SNAI2: variants seen among roughly 807,000 people sequenced by gnomAD.
The protein encoded by SNAI2 is snail family transcriptional repressor 2, also known as zinc finger protein SNAI2.
A neutral mutation model predicts 22.4 loss-of-function variants in SNAI2; 2 were observed. The ratio of observed to expected loss-of-function variants is 0.09; its 90% CI spans 0.04 to 0.28. SNAI2 has a LOEUF of 0.28. Among genes scored for constraint, SNAI2 ranks in the 10% least tolerant of loss-of-function variants. SNAI2 has a pLI of 1.00. For missense variants in SNAI2, 239 were observed against 320.8 expected, an observed-to-expected ratio of 0.75 and a Z score of 1.95; for synonymous variants, 134 against 123.0, an observed-to-expected ratio of 1.09 and a Z score of -0.59.
At chr8:48,921,137 A>G (rs764634683) in intron 1 of SNAI2, 50 bp downstream of exon 1, 12 of 1,287,454 alleles carry the variant, frequency 9.3e-6, no homozygotes, top group Admixed American at 5.0e-5. Flanking sequence ...GTAGATTCAT[A>G]TTTGCAAAGC....
Position 48,918,473 on chromosome 8 carries a change from A to C in SNAI2, c.*334T>G, listed in dbSNP as rs577991090. The stretch of plus-strand genomic sequence containing the variant: ...GTTGAAATGATTTGGCAGCAATGTA[A>C]ATCTTTGCATTTTTTTAGGAAGAAA... On this transcript the variant is annotated 3_prime_UTR_variant, in exon 3 of 3. Transcript: ENST00000020945. The C allele has an allele frequency of 2.1e-5, 7 of 327,078 alleles. No individual in the cohort carries two copies. Among genetic ancestry groups the C allele is most frequent in the African/African-American group, 1.5e-4 (7 of 47,004 alleles). 20.3% of individuals were successfully genotyped at this position (327,078 alleles called of 1,614,324 possible).
rs1399921076 is a variant in SNAI2 at position 48,920,189 on chromosome 8, T to C, written c.332A>G (p.Glu111Gly). ...GSESPISDEE[E>G]RLQSKLSDPH... The stretch of plus-strand genomic sequence containing the variant: ...GTCTGAAAGCTTGGACTGTAGTCTT[T>C]CCTCTTCATCACTAATGGGGCTTTC... The change falls in exon 2 of 3, where the codon GAA becomes GGA. Residue 111 changes from glutamate to glycine, a missense_variant. Glu to Gly is a moderately conservative substitution (Grantham distance 98). Around this residue, in one of 3 missense-constraint regions of SNAI2, gnomAD observed 183 missense variants for 190.4 expected, o/e 0.96. Transcript: ENST00000020945. 1 of 1,614,220 alleles carries C rather than the reference T, an allele frequency of 6.2e-7. No individual in the cohort carries two copies. The highest frequency in any genetic ancestry group is 1.7e-5 in the Admixed American group (1 of 60,024).
Position 48,918,786 on chromosome 8 carries a change from A to G in SNAI2, c.*21T>C, listed in dbSNP as rs749626149. 1.9e-6 allele frequency: 3 copies of G among 1,613,402 alleles called. No individual in the cohort carries two copies. Among genetic ancestry groups the G allele is most frequent in the Non-Finnish European group, 2.5e-6 (3 of 1,179,436 alleles). ...GGAGTGAAGAAATGCATTCTGTTCG[A>G]GTAAACATTGATTGCGTCACTCAGT... On this transcript the variant is annotated 3_prime_UTR_variant, in exon 3 of 3. Coordinates refer to ENST00000020945, the MANE Select transcript of SNAI2 (RefSeq NM_003068.5).
At position 48,920,420 on chromosome 8, in the gene SNAI2, T is replaced by C. The variant is rs768624071; in HGVS notation, c.101A>G (p.Tyr34Cys). ...TATGACAGGCATGGAGTAACTCTCA[T>C]AGAGATACGGGGAAATAATCACTGG... ...THTVIISPYL[Y>C]ESYSMPVIPQ... Residue 34 changes from tyrosine (Y) to cysteine (C), a missense_variant, in exon 2 of 3, where the codon TAT becomes TGT. By Grantham distance (194) the Tyr-to-Cys change is radical. This residue lies in a region of SNAI2 where 183 missense variants were observed against 190.4 expected (regional missense o/e 0.96). Coordinates refer to ENST00000020945, the MANE Select transcript of SNAI2 (RefSeq NM_003068.5). The C allele has an allele frequency of 1.2e-5, 20 of 1,613,802 alleles. No homozygotes were observed. Among genetic ancestry groups the C allele is most frequent in the Non-Finnish European group, 1.7e-5 (20 of 1,179,856 alleles).
intron 2 of SNAI2, among the ~76,000 whole-genome samples, 172 bp from the exon 3 acceptor site, chr8:48,919,160 A>T (rs1243332100): frequency 6.6e-6 from 1 of 152,248 alleles, no homozygotes; most frequent in African/African-American, 2.4e-5. Flanking sequence ...AATTTTTAAG[A>T]TAAACTTGAA....
intron 2 of SNAI2, 66 bp from the exon 3 acceptor site, chr8:48,919,054 T>G (rs1030149135): frequency 4.0e-6 from 6 of 1,502,836 alleles, no homozygotes; most frequent in Non-Finnish European, 5.5e-6. Context: ...TAAAGTAAAA[T>G]CATGTTAACA....
In SNAI2 at chr8:48,921,357, G is replaced by T; in HGVS notation, c.-92C>A. On this transcript the variant is annotated 5_prime_UTR_variant, in exon 1 of 3. Transcript: ENST00000020945. Reference sequence around the variant, plus strand: ...ACAGCATCGCGGCGGGCCAGGCTCGGGCAGGGGCCGTGCTCAGGTGCGGCA... The same window carrying T: ...ACAGCATCGCGGCGGGCCAGGCTCGTGCAGGGGCCGTGCTCAGGTGCGGCA... The T allele has an allele frequency of 1.0e-6, 1 of 989,428 alleles. No homozygotes were observed. The highest frequency in any genetic ancestry group is 1.6e-6 in the Non-Finnish European group (1 of 624,520). 61.3% of individuals were successfully genotyped at this position (989,428 alleles called of 1,614,324 possible).
At position 48,921,361 on chromosome 8, in the gene SNAI2, G is replaced by A; in HGVS notation, c.-96C>T. 1.0e-6 allele frequency: 1 copy of A among 965,956 alleles called. No individual in the cohort carries two copies. The highest frequency in any genetic ancestry group is 1.7e-6 in the Non-Finnish European group (1 of 603,648). 59.8% of individuals were successfully genotyped at this position (965,956 alleles called of 1,614,324 possible). A position where few individuals can be genotyped will look rare whatever the true frequency, so the allele number is the denominator to read the frequency against. On this transcript the variant is annotated 5_prime_UTR_variant, in exon 1 of 3. Coordinates refer to ENST00000020945, the MANE Select transcript of SNAI2 (RefSeq NM_003068.5). ...CATCGCGGCGGGCCAGGCTCGGGCA[G>A]GGGCCGTGCTCAGGTGCGGCAGACG...
chr8:48,921,189 G>C lies in SNAI2; in HGVS notation c.77C>G (p.Thr26Arg). The C allele has an allele frequency of 6.2e-7, 1 of 1,609,366 alleles. No individual in the cohort carries two copies. Residue 26 changes from threonine to arginine, a missense_variant and splice_region_variant, in exon 1 of 3, where the codon ACA becomes AGA. Around this residue, in one of 3 missense-constraint regions of SNAI2, gnomAD observed 183 missense variants for 190.4 expected, o/e 0.96. Transcript: ENST00000020945. ...KPNYSELDTH[T>R]VIISPYLYES... ...TAGATATATTTTTCTCTTTTTACCT[G>C]TATGTGTGTCCAGTTCGCTGTAGTT...
chr8:48,920,853 T>TA (rs999051385), intron 1 of SNAI2, among the ~76,000 whole-genome samples: 2 of 152,214 alleles, frequency 1.3e-5, no homozygotes, highest in African/African-American at 4.8e-5. Flanking sequence ...AGCCGCCTTC[T>TA]AAAGGAAAGG....
chr8:48,921,329 C>G lies in SNAI2; in HGVS notation c.-64G>C. 2 of 1,274,900 alleles carry G rather than the reference C, an allele frequency of 1.6e-6. No individual in the cohort carries two copies. Among genetic ancestry groups the G allele is most frequent in the Non-Finnish European group, 2.3e-6 (2 of 880,850 alleles). The allele number at this position is 1,274,900 out of a possible 1,614,324, so 79.0% of individuals were successfully genotyped here. A position where few individuals can be genotyped will look rare whatever the true frequency, so the allele number is the denominator to read the frequency against. ...GGTCCGGCGGGAGGACACGGCGGTC[C>G]CTACAGCATCGCGGCGGGCCAGGCT... On this transcript the variant is annotated 5_prime_UTR_variant, in exon 1 of 3. Coordinates refer to ENST00000020945, the MANE Select transcript of SNAI2 (RefSeq NM_003068.5).
In SNAI2 at chr8:48,920,534, C is replaced by T. The variant is rs1563480136; in HGVS notation, c.80-93G>A. The T allele has an allele frequency of 2.6e-6, 3 of 1,135,580 alleles. No homozygotes were observed. The Admixed American group carries it at 5.2e-5, about 20-fold the overall frequency. The allele number at this position is 1,135,580 out of a possible 1,614,324, so 70.3% of individuals were successfully genotyped here. A position where few individuals can be genotyped will look rare whatever the true frequency, so the allele number is the denominator to read the frequency against. On this transcript the variant is annotated intron_variant, in intron 1 of 2. Coordinates refer to ENST00000020945, the MANE Select transcript of SNAI2 (RefSeq NM_003068.5). The stretch of plus-strand genomic sequence containing the variant: ...ATACACACACTGGAAAGATATTTAG[C>T]AACACACACGTGATTTTCTTAGGAA...
chr8:48,921,237 T>C lies in SNAI2; in HGVS notation c.29A>G (p.His10Arg). Residue 10 changes from histidine to arginine, a missense_variant, in exon 1 of 3, where the codon CAT (histidine) becomes CGT (arginine). Around this residue, in one of 3 missense-constraint regions of SNAI2, gnomAD observed 183 missense variants for 190.4 expected, o/e 0.96. Coordinates refer to ENST00000020945, the MANE Select transcript of SNAI2 (RefSeq NM_003068.5). ...GTTTGGCTTTTTGGAGGCGTTGAAA[T>C]GCTTCTTGACCAGGAAGGAGCGCGG... MPRSFLVKK[H>R]FNASKKPNYS... 1.2e-6 allele frequency: 2 copies of C among 1,613,708 alleles called. No homozygotes were observed. Among genetic ancestry groups the C allele is most frequent in the Non-Finnish European group, 1.7e-6 (2 of 1,179,986 alleles).
chr8:48,918,658 GGTGTGT>G lies in SNAI2; in HGVS notation c.*143_*148del. On this transcript the variant is annotated 3_prime_UTR_variant, in exon 3 of 3. Coordinates refer to ENST00000020945, the MANE Select transcript of SNAI2 (RefSeq NM_003068.5). ...ATGCTCTTGCAGCTCTCTCTCTGTG[GGTGTGT>G]GTGTGTGTGTGTGCATATGTGTGTG... 6.2e-6 allele frequency: 4 copies of G among 644,506 alleles called. No homozygotes were observed. Among genetic ancestry groups the G allele is most frequent in the African/African-American group, 1.8e-5 (1 of 55,176 alleles). The allele number at this position is 644,506 out of a possible 1,614,324, so 39.9% of individuals were successfully genotyped here.
chr8:48,919,839 A>G, intron 2 of SNAI2, 57 bp downstream of exon 2: 1 of 1,554,924 alleles, frequency 6.4e-7, no homozygotes, highest in Non-Finnish European at 8.9e-7. Context: ...TCCAACAGCC[A>G]GCCCAGGGCT....
chr8:48,918,466 C>A lies in SNAI2; in HGVS notation c.*341G>T, dbSNP rs1225606459. The A allele has an allele frequency of 6.5e-6, 2 of 307,270 alleles. No homozygotes were observed. The highest frequency in any genetic ancestry group is 1.2e-5 in the Non-Finnish European group (2 of 161,488). 19.0% of individuals were successfully genotyped at this position (307,270 alleles called of 1,614,324 possible). On this transcript the variant is annotated 3_prime_UTR_variant, in exon 3 of 3. Transcript: ENST00000020945. The stretch of plus-strand genomic sequence containing the variant: ...CTTTTCAGTTGAAATGATTTGGCAG[C>A]AATGTAAATCTTTGCATTTTTTTAG...
At position 48,921,356 on chromosome 8, in the gene SNAI2, G is replaced by C. The variant is rs988277433; in HGVS notation, c.-91C>G. On this transcript the variant is annotated 5_prime_UTR_variant, in exon 1 of 3. Transcript: ENST00000020945. ...TACAGCATCGCGGCGGGCCAGGCTCGGGCAGGGGCCGTGCTCAGGTGCGGC... is the reference window on the plus strand; with the variant it reads ...TACAGCATCGCGGCGGGCCAGGCTCCGGCAGGGGCCGTGCTCAGGTGCGGC... 70 of 1,002,484 alleles carry C rather than the reference G, an allele frequency of 7.0e-5. No homozygotes were observed. The highest frequency in any genetic ancestry group is 5.1e-4 in the Middle Eastern group (2 of 3,892). The allele number at this position is 1,002,484 out of a possible 1,614,324, so 62.1% of individuals were successfully genotyped here. A position where few individuals can be genotyped will look rare whatever the true frequency, so the allele number is the denominator to read the frequency against.
At chr8:48,919,056 A>C in intron 2 of SNAI2, 68 bp from the exon 3 acceptor site, 1 of 1,492,546 alleles carries the variant, frequency 6.7e-7, no homozygotes, top group Non-Finnish European at 9.2e-7. Context: ...AAGTAAAATC[A>C]TGTTAACAAA....
At position 48,920,140 on chromosome 8, in the gene SNAI2, CT is replaced by C; in HGVS notation, c.380del (p.Lys127SerfsTer43). 6.2e-7 allele frequency: 1 copy of C among 1,614,208 alleles called. No homozygotes were observed. Among genetic ancestry groups the C allele is most frequent in the Non-Finnish European group, 8.5e-7 (1 of 1,180,038 alleles). On this transcript the variant is annotated frameshift_variant, in exon 2 of 3. Transcript: ENST00000020945. LOFTEE classifies it high-confidence loss of function. ...TCTTATTGCATAAATTGCACTGAAA[CT>C]TTTCAGCTTCAATGGCATGGGGGTC... ...LSDPHAIEAE[K>X]FQCNLCNKTY...
Sources: gnomAD v4.1 joint callset for allele counts (sites outside exome capture counted in the v4.1 genomes callset) on GRCh38, gnomAD v4.1.1 for gene constraint, gnomAD v4.1.1 regional missense constraint, MANE v1.5 for transcripts, NCBI Gene and HGNC (gene_info 2026-07-23, HGNC 2026-07-21) for gene names.